Variants in GBE1 observed in about 807,000 individuals in gnomAD.
The protein encoded by GBE1 is 1,4-alpha-glucan-branching enzyme.
Under a neutral mutation model 88.8 loss-of-function variants are expected in GBE1, and 70 were observed. That is an observed-to-expected ratio of 0.79 (90% CI 0.65 to 0.96). The LOEUF is 0.96. Ranked by LOEUF, GBE1 falls within the 40% of genes least tolerant of loss-of-function variation. GBE1 has a pLI of 0.00. For synonymous variants in GBE1, 284 were observed against 300.1 expected (o/e 0.95, Z 0.56); for missense variants, 872 against 871.0 (o/e 1.00, Z -0.01).
chr3:81,639,474 A>C (rs1294138620), intron 7 of GBE1, among the ~76,000 whole-genome samples: 2 of 152,022 alleles, frequency 1.3e-5, no homozygotes, highest in African/African-American at 2.4e-5. Context: ...GTAAAGTAGC[A>C]TATTCGTTGT....
At chr3:81,752,822 G>T (rs1481830341) in intron 1 of GBE1, among the ~76,000 whole-genome samples, 1 of 152,130 alleles carries the variant, frequency 6.6e-6, no homozygotes, top group Non-Finnish European at 1.5e-5. Context: ...GGAATTTCTG[G>T]TCATGGTATT....
chr3:81,593,816 T>C (rs1184268402), intron 8 of GBE1, 92 bp downstream of exon 8: 7 of 637,190 alleles, frequency 1.1e-5, no homozygotes. Flanking sequence ...AGAGAAAGCA[T>C]ATGTAATGGA....
At chr3:81,698,722 T>C (rs1365322508) in intron 2 of GBE1, among the ~76,000 whole-genome samples, 3 of 152,176 alleles carry the variant, frequency 2.0e-5, no homozygotes, top group African/African-American at 7.2e-5. Flanking sequence ...CAGAACTGTA[T>C]ACCTGTAGTA....
chr3:81,699,538 T>C (rs1375032911), intron 2 of GBE1, among the ~76,000 whole-genome samples: 3 of 152,048 alleles, frequency 2.0e-5, no homozygotes, highest in Non-Finnish European at 4.4e-5. Flanking sequence ...GGTTCCACAA[T>C]AGGCCGTCTG....
intron 2 of GBE1, among the ~76,000 whole-genome samples, chr3:81,697,081 G>A (rs531230975): frequency 6.6e-6 from 1 of 152,136 alleles, no homozygotes; most frequent in South Asian, 2.1e-4. Context: ...CCCCAAGACT[G>A]CCCCCCACAC....
At chr3:81,527,250 C>G (rs1359569578) in intron 14 of GBE1, among the ~76,000 whole-genome samples, 3 of 152,088 alleles carry the variant, frequency 2.0e-5, no homozygotes, top group East Asian at 3.9e-4. Flanking sequence ...CATGTTAGAC[C>G]TAAAACCATA....
At chr3:81,574,543 TAAA>T (rs1375227653) in intron 12 of GBE1, among the ~76,000 whole-genome samples, 3 of 152,184 alleles carry the variant, frequency 2.0e-5, no homozygotes, top group Non-Finnish European at 4.4e-5. Context: ...ACCTTTTCTC[TAAA>T]AAGTATTCAT....
At chr3:81,548,002 A>C (rs1703230795) in intron 12 of GBE1, among the ~76,000 whole-genome samples, 1 of 151,354 alleles carries the variant, frequency 6.6e-6, no homozygotes, top group South Asian at 2.1e-4. Context: ...ACCACATGGC[A>C]GTACTTTCTC....
chr3:81,491,978 G>A (rs1262331186), intron 15 of GBE1, among the ~76,000 whole-genome samples: 2 of 152,128 alleles, frequency 1.3e-5, no homozygotes, highest in African/African-American at 2.4e-5. Flanking sequence ...TTAAAATGGT[G>A]GCACTTATAT....
chr3:81,753,738 G>C (rs1706564243), intron 1 of GBE1, among the ~76,000 whole-genome samples: 1 of 152,182 alleles, frequency 6.6e-6, no homozygotes, highest in East Asian at 1.9e-4. Flanking sequence ...ACTGGAGTTA[G>C]TAAAGATCTC....
chr3:81,702,982 A>C (rs141723524), intron 2 of GBE1, among the ~76,000 whole-genome samples: 481 of 152,024 alleles, frequency 3.2e-3, no homozygotes, highest in Non-Finnish European at 5.4e-3. Flanking sequence ...TATTAAGTGG[A>C]TTTCATCATA....
At chr3:81,694,139 G>A (rs1382879777) in intron 2 of GBE1, among the ~76,000 whole-genome samples, 1 of 151,228 alleles carries the variant, frequency 6.6e-6, no homozygotes, top group Non-Finnish European at 1.5e-5. Context: ...GACGATCAAA[G>A]CAATATCTAA....
chr3:81,600,972 C>T (rs182611269), intron 7 of GBE1, among the ~76,000 whole-genome samples: 3 of 152,044 alleles, frequency 2.0e-5, no homozygotes, highest in Admixed American at 6.6e-5. Context: ...ATAGGGTCTG[C>T]TATTGATTAT....
chr3:81,691,916 T>A (rs2107145303), intron 2 of GBE1, among the ~76,000 whole-genome samples: 1 of 152,284 alleles, frequency 6.6e-6, no homozygotes, highest in East Asian at 1.9e-4. Context: ...TAGTAACTCT[T>A]AGAGGAAGGG....
chr3:81,643,103 G>A, intron 6 of GBE1, 113 bp from the exon 7 acceptor site: 1 of 711,862 alleles, frequency 1.4e-6, no homozygotes, highest in Non-Finnish European at 2.4e-6. Flanking sequence ...TATCCAAACA[G>A]CATGTGACAT....
intron 12 of GBE1, among the ~76,000 whole-genome samples, chr3:81,541,044 T>C (rs1370618843): frequency 6.6e-6 from 1 of 151,958 alleles, no homozygotes; most frequent in Non-Finnish European, 1.5e-5. Context: ...AAATGTGACC[T>C]GAGGTCACGC....
At chr3:81,569,449 G>A (rs1703542342) in intron 12 of GBE1, among the ~76,000 whole-genome samples, 1 of 152,208 alleles carries the variant, frequency 6.6e-6, no homozygotes, top group Non-Finnish European at 1.5e-5. Context: ...TTCCACCAGT[G>A]AGTAGAAGAT....
At chr3:81,493,346 T>C (rs1314642597) in intron 15 of GBE1, among the ~76,000 whole-genome samples, 1 of 152,116 alleles carries the variant, frequency 6.6e-6, no homozygotes, top group East Asian at 1.9e-4. Flanking sequence ...AGGTCTCTGT[T>C]AGTGCGTGTT....
In GBE1 at chr3:81,593,888, G is replaced by A; in HGVS notation, c.1108+20C>T. ...AGCTTCTGCAATTAACCCCAAACCTGATTATATCAGGTTACCTACCCACTC... is the reference window on the plus strand; with the variant it reads ...AGCTTCTGCAATTAACCCCAAACCTAATTATATCAGGTTACCTACCCACTC... On this transcript the variant is annotated intron_variant, in intron 8 of 15. Transcript: ENST00000429644. 1 of 1,301,480 alleles carries A rather than the reference G, an allele frequency of 7.7e-7. No individual in the cohort carries two copies. The highest frequency in any genetic ancestry group is 1.1e-6 in the Non-Finnish European group (1 of 924,430). 80.6% of individuals were successfully genotyped at this position (1,301,480 alleles called of 1,614,324 possible).
Sources: allele counts gnomAD v4.1 joint callset (sites outside exome capture counted in the v4.1 genomes callset), GRCh38; gene constraint gnomAD v4.1.1; transcripts MANE v1.5; gene names NCBI Gene and HGNC (gene_info 2026-07-23, HGNC 2026-07-21).